Variants in FAM227B observed in about 807,000 individuals in gnomAD.
The protein encoded by FAM227B is protein FAM227B.
In FAM227B, 88 loss-of-function variants were observed where a neutral mutation model predicts 73.8. The observed-to-expected ratio is 1.19, with a 90% CI of 1.00 to 1.42. The LOEUF (loss-of-function observed/expected upper bound fraction) is 1.42, where lower values mean the gene tolerates loss of function less well. Ranked by LOEUF, FAM227B falls within the 40% of genes most tolerant of loss-of-function variation. The probability of loss-of-function intolerance (pLI) is 0.00; values close to 1 mark genes in which losing one functional copy is unlikely to be tolerated. For synonymous variants in FAM227B, 210 were observed against 190.5 expected, an observed-to-expected ratio of 1.10 and a Z score of -0.84; for missense variants, 632 against 590.9, an observed-to-expected ratio of 1.07 and a Z score of -0.72.
At chr15:49,485,660 T>C (rs900235410) in intron 11 of FAM227B, 1 of 152,610 alleles carries the variant, frequency 6.6e-6, no homozygotes, top group African/African-American at 2.4e-5. Context: ...ATGCTTACAA[T>C]AGATGTCTCA....
At chr15:49,500,149 G>A (rs1211356758) in intron 11 of FAM227B, among the ~76,000 whole-genome samples, 2 of 152,202 alleles carry the variant, frequency 1.3e-5, no homozygotes, top group Non-Finnish European at 2.9e-5. Context: ...AGGCTGCAGT[G>A]AATTATGATC....
intron 9 of FAM227B, among the ~76,000 whole-genome samples, chr15:49,546,588 G>A (rs2071927743): frequency 6.6e-6 from 1 of 152,132 alleles, no homozygotes; most frequent in African/African-American, 2.4e-5. Context: ...GTGTAAAAGT[G>A]TTCCTATTTC....
In FAM227B at chr15:49,508,279, C is replaced by A. The variant is rs1360950724; in HGVS notation, c.944G>T (p.Gly315Val). ...LKELSTTTIH[G>V]SKKAPAKSVK... Reference sequence around the variant, plus strand: ...TGATTTTGCAGGTGCTTTTTTGCTACCATGAATGGTGGTTGTGGAGAGTTC... The same window carrying A: ...TGATTTTGCAGGTGCTTTTTTGCTAACATGAATGGTGGTTGTGGAGAGTTC... The change falls in exon 11 of 16, where the codon GGT becomes GTT. Residue 315 changes from glycine (G) to valine (V), a missense_variant. Coordinates refer to ENST00000299338, the MANE Select transcript of FAM227B (RefSeq NM_152647.3). 7.4e-6 allele frequency: 12 copies of A among 1,610,986 alleles called. No individual in the cohort carries two copies. The highest frequency in any genetic ancestry group is 1.0e-5 in the Non-Finnish European group (12 of 1,178,702).
intron 13 of FAM227B, among the ~76,000 whole-genome samples, chr15:49,361,243 T>A (rs900059458): frequency 2.6e-5 from 4 of 151,644 alleles, no homozygotes; most frequent in Non-Finnish European, 5.9e-5. Context: ...ATGATGCAAA[T>A]TTTTTTTTAA....
At chr15:49,429,205 G>A (rs966875767) in intron 11 of FAM227B, among the ~76,000 whole-genome samples, 2 of 151,894 alleles carry the variant, frequency 1.3e-5, no homozygotes, top group East Asian at 1.9e-4. Flanking sequence ...CTACGCAGTC[G>A]AACCAAAATC....
chr15:49,604,152 C>A (rs1245831961), intron 3 of FAM227B, among the ~76,000 whole-genome samples: 1 of 152,094 alleles, frequency 6.6e-6, no homozygotes, highest in African/African-American at 2.4e-5. Flanking sequence ...CTGATTTTGA[C>A]TATATTCTTA....
intron 13 of FAM227B, among the ~76,000 whole-genome samples, chr15:49,347,417 T>C (rs908584230): frequency 3.3e-5 from 5 of 152,208 alleles, no homozygotes; most frequent in African/African-American, 4.8e-5. Flanking sequence ...GCTTCTCCTT[T>C]CTACTATAGC....
chr15:49,415,996 A>T (rs2049183597), intron 11 of FAM227B, among the ~76,000 whole-genome samples: 1 of 151,766 alleles, frequency 6.6e-6, no homozygotes, highest in Non-Finnish European at 1.5e-5. Context: ...CTTAGAATAA[A>T]CTCAATCTCC....
intron 13 of FAM227B, among the ~76,000 whole-genome samples, chr15:49,350,296 T>C (rs1168362611): frequency 2.0e-5 from 3 of 152,194 alleles, no homozygotes; most frequent in Middle Eastern, 3.2e-3. Context: ...ATTTCATTAA[T>C]TTAAATGACC....
chr15:49,564,875 A>G (rs573033541), intron 9 of FAM227B, among the ~76,000 whole-genome samples: 6 of 151,498 alleles, frequency 4.0e-5, no homozygotes, highest in Admixed American at 2.6e-4. Context: ...GGACTGAAAA[A>G]CTCACTATAC....
At chr15:49,391,417 G>A (rs2047203990) in intron 11 of FAM227B, among the ~76,000 whole-genome samples, 1 of 152,096 alleles carries the variant, frequency 6.6e-6, no homozygotes, top group Admixed American at 6.6e-5. Context: ...AGAAGGACAA[G>A]ATGTTTGGTT....
At chr15:49,371,520 TAA>T (rs2151477525) in intron 11 of FAM227B, 121 bp from the exon 12 acceptor site, 3 of 506,924 alleles carry the variant, frequency 5.9e-6, no homozygotes, top group South Asian at 6.1e-5. Context: ...CAAACATGGA[TAA>T]AGAGTGTTAA....
chr15:49,543,047 C>T (rs980286598), intron 9 of FAM227B, among the ~76,000 whole-genome samples: 4 of 152,070 alleles, frequency 2.6e-5, no homozygotes, highest in Admixed American at 6.6e-5. Flanking sequence ...CTGGATCAAA[C>T]GGTAGTTCTA....
At chr15:49,547,301 A>T (rs1193430142) in intron 9 of FAM227B, among the ~76,000 whole-genome samples, 1 of 151,632 alleles carries the variant, frequency 6.6e-6, no homozygotes, top group Non-Finnish European at 1.5e-5. Flanking sequence ...GAAAGGAACA[A>T]CCAGTACCAG....
At chr15:49,422,651 C>T in intron 11 of FAM227B, 1 of 1,117,130 alleles carries the variant, frequency 9.0e-7, no homozygotes, top group Non-Finnish European at 1.3e-6. Context: ...GGTAACTTGC[C>T]CGAAGTCATA....
chr15:49,584,732 A>G (rs977451746), intron 5 of FAM227B, among the ~76,000 whole-genome samples: 1 of 152,178 alleles, frequency 6.6e-6, no homozygotes, highest in Non-Finnish European at 1.5e-5. Flanking sequence ...GCCAAGAGCC[A>G]AATCAGAAAC....
intron 3 of FAM227B, among the ~76,000 whole-genome samples, chr15:49,598,364 C>G (rs984533399): frequency 6.6e-6 from 1 of 151,920 alleles, no homozygotes. Flanking sequence ...TTTCTGGAAT[C>G]TTTAGAGTTT....
chr15:49,505,350 G>A (rs962705364), intron 11 of FAM227B, among the ~76,000 whole-genome samples: 2 of 151,908 alleles, frequency 1.3e-5, no homozygotes, highest in African/African-American at 2.4e-5. Flanking sequence ...TTATACATAC[G>A]TCAAAACTCA....
At chr15:49,477,020 A>G (rs2055394478) in intron 11 of FAM227B, among the ~76,000 whole-genome samples, 2 of 151,564 alleles carry the variant, frequency 1.3e-5, no homozygotes, top group East Asian at 3.9e-4. Flanking sequence ...AGATCCCGCC[A>G]CTGCACTCCA....
Sources: gnomAD v4.1 joint callset for allele counts (sites outside exome capture counted in the v4.1 genomes callset) on GRCh38, gnomAD v4.1.1 for gene constraint, MANE v1.5 for transcripts, NCBI Gene and HGNC (gene_info 2026-07-23, HGNC 2026-07-21) for gene names.